MTUS2: variants seen among roughly 807,000 people sequenced by gnomAD.
MTUS2 encodes microtubule associated scaffold protein 2, also known as microtubule-associated tumor suppressor candidate 2.
Under a neutral mutation model 114.1 loss-of-function variants are expected in MTUS2, and 40 were observed. That is an observed-to-expected ratio of 0.35 (90% confidence interval 0.27 to 0.46). The LOEUF is 0.46. MTUS2 is among the 20% of genes least tolerant of loss of function. MTUS2 has a pLI of 1.00. For synonymous variants in MTUS2, 688 were observed against 672.0 expected (o/e 1.02, Z -0.37); for missense variants, 1,679 against 1,705.4 (o/e 0.98, Z 0.27).
rs745986967 is a variant in MTUS2, at chr13:29,025,264, G to T, written c.566G>T (p.Ser189Ile). The T allele has an allele frequency of 5.0e-6, 8 of 1,613,958 alleles. No homozygotes were observed. Among genetic ancestry groups the T allele is most frequent in the Non-Finnish European group, 6.8e-6 (8 of 1,179,882 alleles). The part of the protein sequence containing the change: ...RASSSVAAVG[S>I]LTPQHPQPLS... ...AGCAGCTCTGTAGCTGCAGTCGGGAGCCTGACTCCGCAGCATCCACAGCCT... is the reference window on the plus strand; with the variant it reads ...AGCAGCTCTGTAGCTGCAGTCGGGATCCTGACTCCGCAGCATCCACAGCCT... Residue 189 changes from serine (S) to isoleucine (I), a missense_variant, in exon 3 of 16, where the codon AGC becomes ATC. Physicochemically the swap from Ser to Ile is moderately radical, Grantham distance 142 (BLOSUM62 -2). Transcript: ENST00000612955.
chr13:29,129,624 A>G (rs991457810), intron 5 of MTUS2, among the ~76,000 whole-genome samples: 1 of 152,058 alleles, frequency 6.6e-6, no homozygotes, highest in Admixed American at 6.6e-5. Context: ...TGTTACATGC[A>G]TAGAATGTGT....
chr13:29,447,385 T>C (rs1474099945), intron 9 of MTUS2, among the ~76,000 whole-genome samples: 1 of 152,130 alleles, frequency 6.6e-6, no homozygotes, highest in Non-Finnish European at 1.5e-5. Flanking sequence ...TTTTTCATGA[T>C]TGGCTGTCAT....
intron 8 of MTUS2, among the ~76,000 whole-genome samples, chr13:29,371,591 A>G: frequency 6.6e-6 from 1 of 152,200 alleles, no homozygotes; most frequent in East Asian, 1.9e-4. Flanking sequence ...TTGATCAAAT[A>G]ATATTTTATT....
At chr13:28,827,657 C>A (rs1328357784) in intron 1 of MTUS2, among the ~76,000 whole-genome samples, 1 of 151,982 alleles carries the variant, frequency 6.6e-6, no homozygotes, top group Non-Finnish European at 1.5e-5. Context: ...ATTGGCCGGT[C>A]TGAGAAATAA....
In MTUS2 at chr13:29,402,119, G is replaced by A. The variant is rs545193188; in HGVS notation, c.3118-37864G>A. 2.6e-5 allele frequency among the ~76,000 whole-genome samples: 4 copies of A among 152,234 alleles called. No individual in the cohort carries two copies. The East Asian group carries it at 5.8e-4, about 22-fold the overall frequency. On this transcript the variant is annotated intron_variant, in intron 8 of 15. Transcript: ENST00000612955. ...CTGTGCATTTCTGGATATGAAGTCT[G>A]TGTACAGACTTGTTACTCCATTCAA... is the stretch of plus-strand genomic sequence containing the variant.
intron 5 of MTUS2, among the ~76,000 whole-genome samples, chr13:29,222,526 C>G (rs1238849498): frequency 2.0e-5 from 3 of 152,200 alleles, no homozygotes; most frequent in East Asian, 3.9e-4. Flanking sequence ...TATGCTATAT[C>G]TTTGTGATGG....
At chr13:28,971,744 C>A (rs755698022) in intron 2 of MTUS2, among the ~76,000 whole-genome samples, 1 of 152,176 alleles carries the variant, frequency 6.6e-6, no homozygotes, top group Non-Finnish European at 1.5e-5. Context: ...CTCATATAAA[C>A]ATGTGAGAAA....
chr13:29,493,689 C>T (rs1286049112), intron 12 of MTUS2, among the ~76,000 whole-genome samples: 1 of 152,108 alleles, frequency 6.6e-6, no homozygotes, highest in South Asian at 2.1e-4. Flanking sequence ...TGTGGTTTGC[C>T]GTTGGCCAAT....
At chr13:29,207,530 T>C (rs1566066474) in intron 5 of MTUS2, among the ~76,000 whole-genome samples, 1 of 152,190 alleles carries the variant, frequency 6.6e-6, no homozygotes, top group Non-Finnish European at 1.5e-5. Context: ...TTTTAGCTTT[T>C]CCCCATTCAG....
rs568987942 is a variant in MTUS2, at chr13:29,405,977, A to G, written c.3118-34006A>G. ...GCTGGTCTCAAACTCCTGACCTCAC[A>G]TGATCCGCCCGCCTCAGCCTCCCAC... On this transcript the variant is annotated intron_variant, in intron 8 of 15. Transcript: ENST00000612955. Among the ~76,000 whole-genome samples, 185 of 152,092 alleles carry G rather than the reference A, an allele frequency of 1.2e-3. 1 individual carries two copies. Among genetic ancestry groups the G allele is most frequent in the African/African-American group, 4.3e-3 (180 of 41,514 alleles).
intron 5 of MTUS2, among the ~76,000 whole-genome samples, chr13:29,231,017 A>C (rs966309267): frequency 3.3e-5 from 5 of 152,182 alleles, no homozygotes; most frequent in African/African-American, 1.2e-4. Flanking sequence ...TAGCATAGCC[A>C]AATACCATGT....
chr13:29,247,780 A>G (rs1434341663), intron 5 of MTUS2, among the ~76,000 whole-genome samples: 2 of 152,252 alleles, frequency 1.3e-5, no homozygotes, highest in East Asian at 3.8e-4. Flanking sequence ...GTGAAAAGGG[A>G]ACACTTGAAT....
At chr13:28,996,500 A>G (rs975001369) in intron 2 of MTUS2, among the ~76,000 whole-genome samples, 25 of 152,184 alleles carry the variant, frequency 1.6e-4, no homozygotes, top group Non-Finnish European at 1.5e-5. Flanking sequence ...TACCTCTGGT[A>G]GAATTCGGCT....
At chr13:28,897,846 G>A (rs1879376553) in intron 2 of MTUS2, among the ~76,000 whole-genome samples, 1 of 147,162 alleles carries the variant, frequency 6.8e-6, no homozygotes, top group African/African-American at 2.5e-5. Flanking sequence ...GGTGGGAATT[G>A]AACAATGAGA....
chr13:29,117,953 G>A (rs1891158748), intron 5 of MTUS2, among the ~76,000 whole-genome samples: 1 of 152,184 alleles, frequency 6.6e-6, no homozygotes, highest in Non-Finnish European at 1.5e-5. Context: ...CTGGAGAAAT[G>A]CGCTAATTAG....
chr13:29,141,393 A>T (rs927711283), intron 5 of MTUS2, among the ~76,000 whole-genome samples: 2 of 152,222 alleles, frequency 1.3e-5, no homozygotes, highest in Non-Finnish European at 2.9e-5. Flanking sequence ...ATCCAGGCAG[A>T]TAGTGAGTAG....
chr13:29,243,275 G>A (rs998011036), intron 5 of MTUS2, among the ~76,000 whole-genome samples: 5 of 152,164 alleles, frequency 3.3e-5, no homozygotes, highest in East Asian at 1.9e-4. Context: ...ACAGGAAAGC[G>A]GGAGCAAAGC....
chr13:29,255,298 A>G (rs1300075847), intron 5 of MTUS2, among the ~76,000 whole-genome samples: 1 of 152,172 alleles, frequency 6.6e-6, no homozygotes, highest in Non-Finnish European at 1.5e-5. Context: ...ATTTGAGACA[A>G]GATTAAGTGA....
chr13:28,949,619 T>G (rs1882710467), intron 2 of MTUS2, among the ~76,000 whole-genome samples: 1 of 152,154 alleles, frequency 6.6e-6, no homozygotes, highest in Admixed American at 6.5e-5. Context: ...CAACTCCCTA[T>G]TTTCCTCCCA....
Sources: allele counts gnomAD v4.1 joint callset (sites outside exome capture counted in the v4.1 genomes callset), GRCh38; gene constraint gnomAD v4.1.1; transcripts MANE v1.5; gene names NCBI Gene and HGNC (gene_info 2026-07-23, HGNC 2026-07-21).